The following RPH3AL variants were observed in gnomAD, a reference collection of about 807,000 sequenced individuals.
RPH3AL encodes the protein rabphilin 3A like (without C2 domains).
Under a neutral mutation model 43.1 loss-of-function variants are expected in RPH3AL, and 38 were observed. That is an observed-to-expected ratio of 0.88 (90% CI 0.68 to 1.15). The LOEUF (loss-of-function observed/expected upper bound fraction) is 1.15. Ranked by LOEUF, RPH3AL falls within the 50% of genes most tolerant of loss-of-function variation. The pLI, the probability that RPH3AL is intolerant of heterozygous loss-of-function variation, is 0.00. For missense variants in RPH3AL, 462 were observed against 423.2 expected, an observed-to-expected ratio of 1.09 and a Z score of -0.81; for synonymous variants, 189 against 176.3, an observed-to-expected ratio of 1.07 and a Z score of -0.57.
intron 3 of RPH3AL, among the ~76,000 whole-genome samples, chr17:326,774 C>T (rs149557556): frequency 2.0e-4 from 30 of 152,238 alleles, no homozygotes; most frequent in East Asian, 1.4e-3. Context: ...CCCAGCTACT[C>T]GGGAGGCAGG....
chr17:326,529 A>G (rs1470795229), intron 3 of RPH3AL, among the ~76,000 whole-genome samples: 1 of 152,158 alleles, frequency 6.6e-6, no homozygotes, highest in East Asian at 1.9e-4. Context: ...CACAGTGCAC[A>G]GTCGGTGGAG....
At chr17:314,535 C>T (rs1384318308) in intron 5 of RPH3AL, among the ~76,000 whole-genome samples, 3 of 131,410 alleles carry the variant, frequency 2.3e-5, no homozygotes, top group East Asian at 4.4e-4. Flanking sequence ...TGTGACTCCA[C>T]CTCCATTGAC....
intron 5 of RPH3AL, among the ~76,000 whole-genome samples, chr17:306,079 T>C (rs1374319714): frequency 6.7e-6 from 1 of 149,544 alleles, no homozygotes; most frequent in African/African-American, 2.5e-5. Context: ...CAGGCTGGTC[T>C]CAGACTCCTG....
chr17:330,614 G>A (rs946115926), intron 2 of RPH3AL, among the ~76,000 whole-genome samples: 6 of 152,174 alleles, frequency 3.9e-5, no homozygotes, highest in African/African-American at 7.2e-5. Flanking sequence ...GGTGGCTCAC[G>A]CCTGTAATCT....
intron 6 of RPH3AL, among the ~76,000 whole-genome samples, chr17:256,061 C>T (rs868939321): frequency 0.044 from 574 of 13,034 alleles, 1 homozygote; most frequent in Middle Eastern, 0.14. Context: ...AGCCGCACGG[C>T]GTCTGTCCTT....
At chr17:265,111 G>A (rs2042289896) in intron 6 of RPH3AL, among the ~76,000 whole-genome samples, 1 of 152,138 alleles carries the variant, frequency 6.6e-6, no homozygotes, top group Non-Finnish European at 1.5e-5. Context: ...CTTTGAGACA[G>A]GGCCTTGCTC....
chr17:259,915 G>A (rs1204625339), intron 6 of RPH3AL, among the ~76,000 whole-genome samples: 3 of 152,248 alleles, frequency 2.0e-5, no homozygotes, highest in African/African-American at 7.2e-5. Context: ...CTAAATGGTT[G>A]TGGCTGGAGA....
intron 8 of RPH3AL, among the ~76,000 whole-genome samples, chr17:219,333 G>T (rs111574358): frequency 0.23 from 34,577 of 147,892 alleles, 4,774 homozygotes; most frequent in Non-Finnish European, 0.3. Context: ...CAAGTAGCTG[G>T]GATTACAGGC....
In RPH3AL at chr17:333,359, G is replaced by A. The variant is rs1456046396; in HGVS notation, c.-37+400C>T. 10 of 1,201,506 alleles carry A rather than the reference G, an allele frequency of 8.3e-6. No individual in the cohort carries two copies. The highest frequency in any genetic ancestry group is 5.8e-5 in the East Asian group (1 of 17,366). The allele number at this position is 1,201,506 out of a possible 1,614,324, so 74.4% of individuals were successfully genotyped here. On this transcript the variant is annotated intron_variant, in intron 2 of 9. Transcript: ENST00000331302. This position sits in a 1 kb window ranked among gnomAD's most constrained non-coding sequence, Gnocchi z 4.5. ...AATTCTCACATCAGCCACCCCCATGGCGACTCTTAACACCTTAATGTAGCA... is the reference window on the plus strand; with the variant it reads ...AATTCTCACATCAGCCACCCCCATGACGACTCTTAACACCTTAATGTAGCA...
intron 5 of RPH3AL, among the ~76,000 whole-genome samples, chr17:314,892 GCTCC>G (rs1567508474): frequency 3.5e-4 from 33 of 93,842 alleles, no homozygotes; most frequent in African/African-American, 1.3e-3. Flanking sequence ...TAGTCTCTGT[GCTCC>G]ACCTCCATTG....
chr17:317,514 C>T (rs1275838397), intron 5 of RPH3AL, among the ~76,000 whole-genome samples: 3 of 150,024 alleles, frequency 2.0e-5, no homozygotes, highest in Non-Finnish European at 3.0e-5. Context: ...TCCCTGTGCC[C>T]CCACCTCCAT....
intron 2 of RPH3AL, chr17:331,991 G>C: frequency 1.4e-6 from 1 of 739,890 alleles, no homozygotes; most frequent in South Asian, 1.5e-5. Context: ...GAATTGGCCT[G>C]GGGAGCAGAG....
intron 7 of RPH3AL, among the ~76,000 whole-genome samples, chr17:230,411 C>A (rs926894508): frequency 1.3e-5 from 2 of 152,110 alleles, no homozygotes; most frequent in African/African-American, 4.8e-5. Context: ...TGCGGGGGAC[C>A]ATTCAGGGAG....
chr17:258,783 CAG>C (rs2042131745), intron 6 of RPH3AL, among the ~76,000 whole-genome samples: 1 of 122,774 alleles, frequency 8.1e-6, no homozygotes, highest in African/African-American at 3.1e-5. Flanking sequence ...TTTTTTGAGA[CAG>C]GGTCTCACTC....
chr17:258,803 C>A (rs568396922), intron 6 of RPH3AL, among the ~76,000 whole-genome samples: 21 of 149,642 alleles, frequency 1.4e-4, no homozygotes, highest in Admixed American at 2.7e-4. Flanking sequence ...CTCTGTTGCC[C>A]AGGCTGGAGT....
At chr17:257,072 T>C (rs1362094208) in intron 6 of RPH3AL, among the ~76,000 whole-genome samples, 12 of 48,286 alleles carry the variant, frequency 2.5e-4, no homozygotes, top group Non-Finnish European at 3.4e-4. Flanking sequence ...ACGGCGTCTG[T>C]CCTTTTCCAT....
intron 7 of RPH3AL, among the ~76,000 whole-genome samples, chr17:240,828 G>C (rs543692759): frequency 6.6e-6 from 1 of 152,174 alleles, no homozygotes; most frequent in Non-Finnish European, 1.5e-5. Flanking sequence ...GGGAGGCCAA[G>C]GCGGGAGGAT....
Position 315,219 on chromosome 17 carries a change from T to TGTGCTCCACCTCCACTGACCTGCAGTCC in RPH3AL, c.351+4200_351+4201insGGACTGCAGGTCAGTGGAGGTGGAGCAC. Among the ~76,000 whole-genome samples, 2 of 1,194 alleles carry TGTGCTCCACCTCCACTGACCTGCAGTCC rather than the reference T, an allele frequency of 1.7e-3. 1 individual carries two copies. Among genetic ancestry groups the TGTGCTCCACCTCCACTGACCTGCAGTCC allele is most frequent in the East Asian group, 0.067 (2 of 30 alleles). The allele number at this position is 1,194 out of a possible 152,430, so 0.8% of individuals were successfully genotyped here. A position where few individuals can be genotyped will look rare whatever the true frequency, so the allele number is the denominator to read the frequency against. On this transcript the variant is annotated intron_variant, in intron 5 of 9. Transcript: ENST00000331302. ...GCTCCACCTCCATTCACCTGTAGTC[T>TGTGCTCCACCTCCACTGACCTGCAGTCC]CTGTGCCCCCACCTTCATTCACCTG...
chr17:250,893 G>A (rs1186849976), intron 6 of RPH3AL, among the ~76,000 whole-genome samples: 6 of 150,928 alleles, frequency 4.0e-5, no homozygotes, highest in African/African-American at 1.5e-4. Flanking sequence ...ACCTCTCAGA[G>A]CCTAAGCGCC....
Sources: gnomAD v4.1 joint callset for allele counts (sites outside exome capture counted in the v4.1 genomes callset) on GRCh38, gnomAD v4.1.1 for gene constraint, Gnocchi (gnomAD v3.1) non-coding constraint, MANE v1.5 for transcripts, NCBI Gene and HGNC (gene_info 2026-07-23, HGNC 2026-07-21) for gene names.